The following SEPTIN3 variants were observed in gnomAD, a reference collection of about 807,000 sequenced individuals.
SEPTIN3 encodes neuronal-specific septin-3.
Under a neutral mutation model 45.1 loss-of-function variants are expected in SEPTIN3, and 15 were observed. The ratio of observed to expected loss-of-function variants is 0.33; its 90% CI spans 0.22 to 0.51. SEPTIN3 has a LOEUF of 0.51. Ranked by LOEUF, SEPTIN3 falls within the 20% of genes least tolerant of loss-of-function variation. The pLI is 0.97. For synonymous variants in SEPTIN3, 148 were observed against 164.8 expected (o/e 0.90, Z 0.78); for missense variants, 289 against 457.2 (o/e 0.63, Z 3.35).
chr22:41,983,301 T>C (rs1417684538), intron 3 of SEPTIN3, among the ~76,000 whole-genome samples: 1 of 152,192 alleles, frequency 6.6e-6, no homozygotes, highest in African/African-American at 2.4e-5. Flanking sequence ...ACTTCTTATC[T>C]CAAGAACCAG....
At chr22:41,971,300 G>A (rs1043290862) in intron 1 of SEPTIN3, among the ~76,000 whole-genome samples, 174 bp from the exon 2 acceptor site, 5 of 152,214 alleles carry the variant, frequency 3.3e-5, no homozygotes. Flanking sequence ...GGTAGGAGCC[G>A]TAGGAGGACA....
intron 6 of SEPTIN3, among the ~76,000 whole-genome samples, chr22:41,988,149 C>G (rs1286366925): frequency 6.6e-6 from 1 of 151,974 alleles, no homozygotes; most frequent in African/African-American, 2.4e-5. Context: ...TGAAATAGGG[C>G]AGTGCAGGGC....
At chr22:41,982,676 G>C (rs1195478075) in intron 3 of SEPTIN3, among the ~76,000 whole-genome samples, 2 of 152,036 alleles carry the variant, frequency 1.3e-5, no homozygotes, top group Non-Finnish European at 2.9e-5. Context: ...ATCACCTGAG[G>C]ACAGGAGTTT....
At chr22:41,982,939 G>A (rs1354798807) in intron 3 of SEPTIN3, among the ~76,000 whole-genome samples, 3 of 151,040 alleles carry the variant, frequency 2.0e-5, no homozygotes, top group South Asian at 2.1e-4. Context: ...CCTTTGCCCC[G>A]TCTCAGTGAG....
intron 11 of SEPTIN3, chr22:41,996,701 C>A: frequency 1.4e-6 from 2 of 1,446,530 alleles, no homozygotes; most frequent in Non-Finnish European, 1.8e-6. Context: ...TCCTTGGCTA[C>A]TGTAGAAGCA....
chr22:41,980,129 CTTT>C (rs569424612), intron 2 of SEPTIN3, among the ~76,000 whole-genome samples: 6 of 103,422 alleles, frequency 5.8e-5, no homozygotes, highest in African/African-American at 1.6e-4. Flanking sequence ...TGCTCAGTGC[CTTT>C]TTTTTTTTTT....
chr22:41,972,124 C>T lies in SEPTIN3; in HGVS notation c.632C>T (p.Ser211Leu), dbSNP rs116568436. The T allele has an allele frequency of 1.3e-5, 5 of 398,986 alleles. No individual in the cohort carries two copies. Among genetic ancestry groups the T allele is most frequent in the Admixed American group, 4.4e-5 (1 of 22,712 alleles). 24.7% of individuals were successfully genotyped at this position (398,986 alleles called of 1,614,324 possible). A position where few individuals can be genotyped will look rare whatever the true frequency, so the allele number is the denominator to read the frequency against. The change falls in exon 2 of 12, where the codon TCG becomes TTG. Residue 211 changes from serine to leucine, a missense_variant. Ser to Leu is a moderately radical substitution (Grantham distance 145, BLOSUM62 -2). Transcript: ENST00000644076. Reference protein sequence around the residue: ...QSAPVLAEPGSLGQGHLVSVT... With the variant: ...QSAPVLAEPGLLGQGHLVSVT... ...GCACCAGTCCTTGCAGAGCCAGGCTCGTTGGGCCAGGGGCACCTTGTCTCA... is the reference window on the plus strand; with the variant it reads ...GCACCAGTCCTTGCAGAGCCAGGCTTGTTGGGCCAGGGGCACCTTGTCTCA...
At chr22:41,977,085 C>T (rs370813666) in intron 2 of SEPTIN3, 33 of 1,596,264 alleles carry the variant, frequency 2.1e-5, no homozygotes, top group Non-Finnish European at 2.5e-5. Context: ...GTAGGGCGGC[C>T]GGCCAGGCCA....
chr22:41,977,672 T>G, intron 2 of SEPTIN3, among the ~76,000 whole-genome samples: 2 of 146,524 alleles, frequency 1.4e-5, no homozygotes, highest in Admixed American at 6.8e-5. Context: ...TGCGGGGGGC[T>G]GAGGAAGATC....
At chr22:41,975,370 CTTAA>C (rs933067802) in intron 2 of SEPTIN3, among the ~76,000 whole-genome samples, 1 of 152,136 alleles carries the variant, frequency 6.6e-6, no homozygotes, top group Non-Finnish European at 1.5e-5. Flanking sequence ...AGTCTAATGC[CTTAA>C]TTGAGTCGTT....
chr22:41,981,880 C>T, intron 3 of SEPTIN3, 44 bp downstream of exon 3: 1 of 1,550,730 alleles, frequency 6.4e-7, no homozygotes, highest in Non-Finnish European at 8.9e-7. Context: ...TGGCGGGCAG[C>T]ACCAAGGATC....
intron 3 of SEPTIN3, among the ~76,000 whole-genome samples, chr22:41,984,713 G>A (rs1319261989): frequency 1.3e-5 from 2 of 152,198 alleles, no homozygotes; most frequent in African/African-American, 4.8e-5. Flanking sequence ...ATTTTTAGTG[G>A]AGACAGGGTT....
intron 11 of SEPTIN3, chr22:41,996,613 T>A: frequency 8.6e-7 from 1 of 1,166,312 alleles, no homozygotes; most frequent in Non-Finnish European, 1.1e-6. Context: ...GCTCACAAAG[T>A]TACAGGGTAG....
At position 41,982,852 on chromosome 22, in the gene SEPTIN3, T is replaced by C. The variant is rs574044802; in HGVS notation, c.1696+1016T>C. Among the ~76,000 whole-genome samples, 17 of 151,424 alleles carry C rather than the reference T, an allele frequency of 1.1e-4. No individual in the cohort carries two copies. The East Asian group carries it at 1.2e-3, about 10-fold the overall frequency. On this transcript the variant is annotated intron_variant, in intron 3 of 11. Coordinates refer to ENST00000644076, the MANE Select transcript of SEPTIN3 (RefSeq NM_001363845.2). The stretch of plus-strand genomic sequence containing the variant: ...GTTGCAGTGAGCTGAGACTGCACCA[T>C]TGGACCCCAGCCTGGGCAACAAGAG...
At chr22:41,974,300 G>A (rs958011349) in intron 2 of SEPTIN3, among the ~76,000 whole-genome samples, 1 of 152,142 alleles carries the variant, frequency 6.6e-6, no homozygotes, top group Non-Finnish European at 1.5e-5. Context: ...TTTAAAAGCA[G>A]TGGCTCACAC....
rs552578897 is a variant in SEPTIN3, at chr22:41,974,602, G to C, written c.1504+1606G>C. On this transcript the variant is annotated intron_variant, in intron 2 of 11. Coordinates refer to ENST00000644076, the MANE Select transcript of SEPTIN3 (RefSeq NM_001363845.2). ...GGCGTGAACCCAGGAGGCAGAGCTT[G>C]CAGTGAGCCGAGATTGCGCCACTGC... Among the ~76,000 whole-genome samples, 7 of 150,624 alleles carry C rather than the reference G, an allele frequency of 4.6e-5. No homozygotes were observed. In the East Asian group the frequency reaches 1.4e-3, roughly 29 times the overall value.
Position 41,972,284 on chromosome 22 carries a change from C to T in SEPTIN3, c.792C>T (p.Asp264=), listed in dbSNP as rs890832279. 11 of 399,022 alleles carry T rather than the reference C, an allele frequency of 2.8e-5. 1 individual carries two copies. Among genetic ancestry groups the T allele is most frequent in the Non-Finnish European group, 3.5e-5 (8 of 226,118 alleles). The allele number at this position is 399,022 out of a possible 1,614,324, so 24.7% of individuals were successfully genotyped here. The change falls in exon 2 of 12, where the codon GAC becomes GAT. Residue 264 remains aspartate (D), a synonymous_variant. Coordinates refer to ENST00000644076, the MANE Select transcript of SEPTIN3 (RefSeq NM_001363845.2). The part of the protein sequence containing the change: ...VNLTAMDTRT[D]AARHLATMAT... ...TGACTGCTATGGACACAAGGACAGA[C>T]GCAGCCAGACATTTAGCCACAATGG...
chr22:41,971,850 C>A lies in SEPTIN3; in HGVS notation c.358C>A (p.Arg120=), dbSNP rs979531216. 4 of 399,120 alleles carry A rather than the reference C, an allele frequency of 1.0e-5. No individual in the cohort carries two copies. Among genetic ancestry groups the A allele is most frequent in the East Asian group, 7.1e-5 (2 of 28,088 alleles). 24.7% of individuals were successfully genotyped at this position (399,120 alleles called of 1,614,324 possible). ...GACTCTCCATCAGAACAGCCAGGCA[C>A]GGTCCCTGGATCGCCCACTTTCTCA... ...SLTLHQNSQA[R]SLDRPLSHWE... Residue 120 remains arginine, a synonymous_variant, in exon 2 of 12, where the codon CGG becomes AGG. Coordinates refer to ENST00000644076, the MANE Select transcript of SEPTIN3 (RefSeq NM_001363845.2).
chr22:41,996,444 C>T, intron 11 of SEPTIN3: 1 of 987,834 alleles, frequency 1.0e-6, no homozygotes, highest in Non-Finnish European at 1.2e-6. Context: ...CTTATAATCC[C>T]AGTCTTTTAT....
Sources: gnomAD v4.1 joint callset for allele counts (sites outside exome capture counted in the v4.1 genomes callset) on GRCh38, gnomAD v4.1.1 for gene constraint, MANE v1.5 for transcripts, NCBI Gene and HGNC (gene_info 2026-07-23, HGNC 2026-07-21) for gene names.